The following ADORA2B variants were observed in gnomAD, a reference collection of about 807,000 sequenced individuals.
ADORA2B encodes the protein adenosine A2b receptor.
A neutral mutation model predicts 20.8 loss-of-function variants in ADORA2B; 18 were observed. That is an observed-to-expected ratio of 0.87 (90% CI 0.60 to 1.29). ADORA2B has a LOEUF of 1.29. Among genes scored for constraint, ADORA2B ranks in the 50% most tolerant of loss-of-function variants. The probability of loss-of-function intolerance (pLI) is 0.00; values close to 1 mark genes in which losing one functional copy is unlikely to be tolerated. For missense variants in ADORA2B, 441 were observed against 422.7 expected (o/e 1.04, Z -0.38); for synonymous variants, 179 against 178.3 (o/e 1.00, Z -0.03).
the ADORA2B span, among the ~76,000 whole-genome samples, chr17:15,898,306 T>C: frequency 1.3e-5 from 2 of 152,098 alleles, no homozygotes; most frequent in African/African-American, 2.4e-5. Context: ...TTTATTTATT[T>C]ATTTTAAGAT....
intron 1 of ADORA2B, among the ~76,000 whole-genome samples, chr17:15,956,590 C>CTTTTTTT (rs11290214): frequency 3.9e-5 from 2 of 51,418 alleles, no homozygotes; most frequent in African/African-American, 1.3e-4. Flanking sequence ...TTATGTGTGT[C>CTTTTTTT]TTTTTTTTTT....
At chr17:15,927,212 G>T in the ADORA2B span, among the ~76,000 whole-genome samples, 2 of 152,132 alleles carry the variant, frequency 1.3e-5, no homozygotes, top group Non-Finnish European at 2.9e-5. Flanking sequence ...GGCTGGGTGC[G>T]GTGGCTCACG....
the ADORA2B span, among the ~76,000 whole-genome samples, chr17:15,904,101 A>T: frequency 6.6e-6 from 1 of 151,988 alleles, no homozygotes; most frequent in African/African-American, 2.4e-5. Flanking sequence ...TTCTCTCAGC[A>T]GAATCTCTCT....
chr17:15,960,982 A>G (rs910923045), intron 1 of ADORA2B, among the ~76,000 whole-genome samples: 4 of 150,914 alleles, frequency 2.7e-5, no homozygotes, highest in African/African-American at 7.3e-5. Context: ...CCTGGCTAAC[A>G]TGGTGAAACC....
At position 15,974,716 on chromosome 17, in the gene ADORA2B, G is replaced by T. The variant is rs771356163; in HGVS notation, c.373G>T (p.Val125Phe). Residue 125 changes from valine (V) to phenylalanine (F), a missense_variant, in exon 2 of 2, where the codon GTC becomes TTC. By Grantham distance (50) the Val-to-Phe change is conservative. Transcript: ENST00000304222. The stretch of plus-strand genomic sequence containing the variant: ...GGTCACGGGGACCCGAGCAAGAGGG[G>T]TCATTGCTGTCCTCTGGGTCCTTGC... ...SLVTGTRARG[V>F]IAVLWVLAFG... is the part of the protein sequence containing the mutation. 2 of 1,614,118 alleles carry T rather than the reference G, an allele frequency of 1.2e-6. No individual in the cohort carries two copies. The highest frequency in any genetic ancestry group is 1.7e-6 in the Non-Finnish European group (2 of 1,180,018).
the ADORA2B span, among the ~76,000 whole-genome samples, chr17:15,890,249 G>A: frequency 7.8e-6 from 1 of 128,936 alleles, no homozygotes; most frequent in South Asian, 2.3e-4. Context: ...TTTTCAATGA[G>A]ACTGAACATC....
chr17:15,961,157 A>T (rs1970034346), intron 1 of ADORA2B, among the ~76,000 whole-genome samples: 1 of 80,672 alleles, frequency 1.2e-5, no homozygotes, highest in Admixed American at 1.5e-4. Context: ...ACAGAGCGAG[A>T]CTCTGTCAAA....
chr17:15,918,761 G>A, the ADORA2B span, among the ~76,000 whole-genome samples: 1 of 152,146 alleles, frequency 6.6e-6, no homozygotes, highest in Non-Finnish European at 1.5e-5. Flanking sequence ...AAGCCACCGC[G>A]CCTGGCCAAC....
upstream of ADORA2B, among the ~76,000 whole-genome samples, chr17:15,940,381 G>C (rs377717254): frequency 2.0e-5 from 3 of 152,338 alleles, no homozygotes; most frequent in East Asian, 5.8e-4. Flanking sequence ...TCCCAAGCTT[G>C]AACCAGTGAC....
intron 1 of ADORA2B, among the ~76,000 whole-genome samples, chr17:15,963,683 G>A (rs1018288810): frequency 1.3e-5 from 2 of 152,178 alleles, no homozygotes. Flanking sequence ...GCCCAAAGGG[G>A]AACTCTGGGA....
chr17:15,972,033 AT>A (rs1397813580), intron 1 of ADORA2B, among the ~76,000 whole-genome samples: 1 of 152,204 alleles, frequency 6.6e-6, no homozygotes, highest in Non-Finnish European at 1.5e-5. Context: ...AGAGGCTGAC[AT>A]TCCAGTTGAG....
chr17:15,898,068 T>C, the ADORA2B span, among the ~76,000 whole-genome samples: 2 of 152,136 alleles, frequency 1.3e-5, no homozygotes, highest in Non-Finnish European at 2.9e-5. Flanking sequence ...ACATATCCTA[T>C]TGTGTATTTA....
chr17:15,874,095 T>TACACACAC, the ADORA2B span, among the ~76,000 whole-genome samples: 107 of 145,920 alleles, frequency 7.3e-4, 1 homozygote, highest in East Asian at 5.9e-3. Flanking sequence ...TATATATGTA[T>TACACACAC]ACACACACAC....
intron 1 of ADORA2B, among the ~76,000 whole-genome samples, chr17:15,967,520 C>T (rs1305692923): frequency 3.3e-5 from 5 of 152,034 alleles, no homozygotes; most frequent in African/African-American, 9.7e-5. Context: ...CGTGAGCCAC[C>T]GCGCCCAGCC....
intron 1 of ADORA2B, among the ~76,000 whole-genome samples, chr17:15,962,904 G>A (rs1451391137): frequency 6.6e-6 from 1 of 152,128 alleles, no homozygotes; most frequent in East Asian, 1.9e-4. Flanking sequence ...TATTGTTTTT[G>A]AGCACTTTCT....
At chr17:15,921,965 A>G in the ADORA2B span, among the ~76,000 whole-genome samples, 13 of 152,198 alleles carry the variant, frequency 8.5e-5, no homozygotes, top group Admixed American at 3.3e-4. Flanking sequence ...ACCTAGCTTC[A>G]AGGAAGGGTG....
At chr17:15,948,400 G>A (rs1170651531) in intron 1 of ADORA2B, among the ~76,000 whole-genome samples, 7 of 47,762 alleles carry the variant, frequency 1.5e-4, no homozygotes, top group Non-Finnish European at 3.7e-4. Context: ...GGCCCTGGCG[G>A]CGGGGGGCTC....
chr17:15,878,643 CT>C, the ADORA2B span, among the ~76,000 whole-genome samples: 2 of 152,174 alleles, frequency 1.3e-5, no homozygotes, highest in Admixed American at 1.3e-4. Flanking sequence ...TCTGAAACAA[CT>C]AATACTTATT....
chr17:15,896,290 AAG>A, the ADORA2B span, among the ~76,000 whole-genome samples: 1 of 152,228 alleles, frequency 6.6e-6, no homozygotes, highest in African/African-American at 2.4e-5. Context: ...GATAAATAAT[AAG>A]AGACTACAAA....
Sources: gnomAD v4.1 joint callset for allele counts (sites outside exome capture counted in the v4.1 genomes callset) on GRCh38, gnomAD v4.1.1 for gene constraint, MANE v1.5 for transcripts, NCBI Gene and HGNC (gene_info 2026-07-23, HGNC 2026-07-21) for gene names.